The following MTHFD1L variants were observed in gnomAD, a reference collection of about 807,000 sequenced individuals.
MTHFD1L encodes methylenetetrahydrofolate dehydrogenase (NADP+ dependent) 1 like.
In MTHFD1L, 81 loss-of-function variants were observed where a neutral mutation model predicts 119.5. That is an observed-to-expected ratio of 0.68 (90% CI 0.57 to 0.82). MTHFD1L has a LOEUF of 0.82. Among genes scored for constraint, MTHFD1L ranks in the 40% least tolerant of loss-of-function variants. The probability of loss-of-function intolerance (pLI) is 0.00; values close to 1 mark genes in which losing one functional copy is unlikely to be tolerated. For synonymous variants in MTHFD1L, 430 were observed against 475.2 expected (o/e 0.90, Z 1.24); for missense variants, 1,125 against 1,253.4 (o/e 0.90, Z 1.55).
In MTHFD1L at chr6:151,074,374, C is replaced by T. The variant is rs529332304; in HGVS notation, c.2848-18093C>T. Reference sequence around the variant, plus strand: ...TTATCTTAAAAGCTATTACTGTATACAGTAATTACTGCATAAAGCAAAAAT... The same window carrying T: ...TTATCTTAAAAGCTATTACTGTATATAGTAATTACTGCATAAAGCAAAAAT... On this transcript the variant is annotated intron_variant, in intron 26 of 27. Transcript: ENST00000367321. 5.3e-5 allele frequency among the ~76,000 whole-genome samples: 8 copies of T among 152,258 alleles called. 1 individual carries two copies. The South Asian group carries it at 1.7e-3, about 32-fold the overall frequency.
At chr6:150,976,769 G>T (rs1429974363) in intron 20 of MTHFD1L, among the ~76,000 whole-genome samples, 2 of 152,198 alleles carry the variant, frequency 1.3e-5, no homozygotes, top group Non-Finnish European at 2.9e-5. Context: ...TTAGCATTGA[G>T]AATATGTAAA....
At chr6:150,937,473 A>G (rs760283090) in intron 12 of MTHFD1L, among the ~76,000 whole-genome samples, 1 of 152,232 alleles carries the variant, frequency 6.6e-6, no homozygotes, top group Admixed American at 6.5e-5. Context: ...TCATGAAATC[A>G]TTCCTTAGCT....
chr6:150,982,615 A>G (rs1007784978), intron 20 of MTHFD1L, among the ~76,000 whole-genome samples: 3 of 152,038 alleles, frequency 2.0e-5, no homozygotes, highest in African/African-American at 7.2e-5. Flanking sequence ...ATAAAGCCAA[A>G]TTGTTCTGCA....
intron 1 of MTHFD1L, 163 bp from the exon 2 acceptor site, chr6:150,875,927 T>C: frequency 1.7e-6 from 1 of 584,120 alleles, no homozygotes; most frequent in Non-Finnish European, 3.1e-6. Context: ...CTTGATTTCA[T>C]TGTTACGCCG....
chr6:150,995,547 C>G (rs1483356665), intron 20 of MTHFD1L, among the ~76,000 whole-genome samples: 1 of 151,464 alleles, frequency 6.6e-6, no homozygotes, highest in Non-Finnish European at 1.5e-5. Flanking sequence ...ACCGGGACAT[C>G]TCAAGGACAT....
intron 26 of MTHFD1L, among the ~76,000 whole-genome samples, chr6:151,086,383 A>T (rs1461845992): frequency 6.6e-6 from 1 of 152,138 alleles, no homozygotes; most frequent in African/African-American, 2.4e-5. Flanking sequence ...TATAATTATC[A>T]ACATGGCCAT....
At chr6:150,929,817 T>G (rs56106544) in intron 11 of MTHFD1L, among the ~76,000 whole-genome samples, 9,870 of 152,246 alleles carry the variant, frequency 0.065, 395 homozygotes, top group South Asian at 0.1. Flanking sequence ...CTAAGTTTCT[T>G]TACCTAACAA....
intron 26 of MTHFD1L, among the ~76,000 whole-genome samples, chr6:151,088,685 G>A (rs1794081328): frequency 6.8e-6 from 1 of 148,056 alleles, no homozygotes; most frequent in South Asian, 2.1e-4. Flanking sequence ...TGGCCAGGCT[G>A]ACTTCAAGTG....
intron 22 of MTHFD1L, among the ~76,000 whole-genome samples, chr6:151,014,330 T>C (rs770598364): frequency 2.6e-5 from 4 of 152,228 alleles, no homozygotes; most frequent in Admixed American, 2.0e-4. Context: ...TTGTCTACTA[T>C]TGTGTACTCC....
intron 26 of MTHFD1L, among the ~76,000 whole-genome samples, chr6:151,071,415 T>C (rs560192420): frequency 7.9e-5 from 12 of 152,334 alleles, no homozygotes; most frequent in South Asian, 4.1e-4. Flanking sequence ...ACTAATGGGC[T>C]GATCGTACTG....
At chr6:150,987,912 T>G (rs59129122) in intron 20 of MTHFD1L, among the ~76,000 whole-genome samples, 3,775 of 152,278 alleles carry the variant, frequency 0.025, 146 homozygotes, top group African/African-American at 0.087. Flanking sequence ...AGTAATTAAA[T>G]TTAAAAGGTA....
intron 8 of MTHFD1L, among the ~76,000 whole-genome samples, chr6:150,917,051 A>AT (rs1415393133): frequency 6.7e-6 from 1 of 149,894 alleles, no homozygotes; most frequent in East Asian, 2.1e-4. Context: ...GTGAGCCACC[A>AT]TGCCTGGCCG....
intron 10 of MTHFD1L, among the ~76,000 whole-genome samples, chr6:150,922,518 TA>T (rs764192611): frequency 6.6e-4 from 99 of 149,672 alleles, no homozygotes; most frequent in African/African-American, 2.2e-3. Flanking sequence ...TAAGAAGGCA[TA>T]TTTTTTTATT....
intron 26 of MTHFD1L, among the ~76,000 whole-genome samples, chr6:151,043,214 T>C (rs193054075): frequency 3.3e-5 from 5 of 151,532 alleles, no homozygotes; most frequent in African/African-American, 9.7e-5. Context: ...GTGTTGGGAG[T>C]TGGAGAGGGG....
At chr6:150,866,640 A>G in intron 1 of MTHFD1L, 1 of 1,204,250 alleles carries the variant, frequency 8.3e-7, no homozygotes. Flanking sequence ...GCAAAGGTGG[A>G]GCCGGGCCCC....
chr6:151,048,694 C>T (rs1178921328), intron 26 of MTHFD1L, among the ~76,000 whole-genome samples: 3 of 152,198 alleles, frequency 2.0e-5, no homozygotes, highest in African/African-American at 4.8e-5. Context: ...TCTCTCTTGT[C>T]GAACCAGTTA....
At chr6:150,965,654 C>G (rs1797094920) in intron 19 of MTHFD1L, among the ~76,000 whole-genome samples, 1 of 103,162 alleles carries the variant, frequency 9.7e-6, no homozygotes, top group South Asian at 3.7e-4. Flanking sequence ...GAGCGAGACT[C>G]CGTCTGAAAA....
intron 26 of MTHFD1L, among the ~76,000 whole-genome samples, chr6:151,073,035 A>G (rs1457091181): frequency 3.9e-5 from 6 of 152,174 alleles, no homozygotes; most frequent in Admixed American, 2.0e-4. Flanking sequence ...AGTGAGTCCT[A>G]TAATTGTCCT....
intron 17 of MTHFD1L, among the ~76,000 whole-genome samples, chr6:150,957,644 G>C (rs1476445218): frequency 1.3e-5 from 2 of 152,138 alleles, no homozygotes; most frequent in Admixed American, 1.3e-4. Context: ...GCATATATTT[G>C]GTCCGCCATT....
Sources: gnomAD v4.1 joint callset for allele counts (sites outside exome capture counted in the v4.1 genomes callset) on GRCh38, gnomAD v4.1.1 for gene constraint, MANE v1.5 for transcripts, NCBI Gene and HGNC (gene_info 2026-07-23, HGNC 2026-07-21) for gene names.